The following JPH2 variants were observed in gnomAD, a reference collection of about 807,000 sequenced individuals.
JPH2 encodes junctophilin 2.
In JPH2, 38 loss-of-function variants were observed where a neutral mutation model predicts 55.9. The ratio of observed to expected loss-of-function variants is 0.68; its 90% CI spans 0.52 to 0.89. The LOEUF is 0.89. Ranked by LOEUF, JPH2 falls within the 40% of genes least tolerant of loss-of-function variation. The pLI, the probability that JPH2 is intolerant of heterozygous loss-of-function variation, is 0.00. For synonymous variants in JPH2, 480 were observed against 472.4 expected (o/e 1.02, Z -0.21); for missense variants, 964 against 1,037.6 (o/e 0.93, Z 0.97).
intron 2 of JPH2, among the ~76,000 whole-genome samples, chr20:44,128,724 T>C (rs2072294553): frequency 1.3e-5 from 2 of 152,134 alleles, no homozygotes; most frequent in South Asian, 4.1e-4. Context: ...TCTCGCTCTG[T>C]TGCCCAGGCT....
At chr20:44,114,953 G>A in intron 4 of JPH2, 77 bp from the exon 5 acceptor site, 1 of 1,123,974 alleles carries the variant, frequency 8.9e-7, no homozygotes, top group Non-Finnish European at 1.3e-6. Flanking sequence ...AGCAAGGCTG[G>A]ACAGAGCAGG....
At chr20:44,143,561 G>A (rs911863397) in intron 2 of JPH2, among the ~76,000 whole-genome samples, 8 of 152,172 alleles carry the variant, frequency 5.3e-5, no homozygotes, top group African/African-American at 1.4e-4. Context: ...TCCAGTCCCC[G>A]TGGTCTGCAG....
intron 2 of JPH2, among the ~76,000 whole-genome samples, chr20:44,134,889 AATATATATTTATATATATATATAAAAT>A (rs1569195855): frequency 1.6e-4 from 6 of 37,022 alleles, no homozygotes; most frequent in Non-Finnish European, 2.1e-4. Context: ...TATATATATT[AATATATATTTATATATATATATAAAAT>A]ATATATATTT....
chr20:44,162,304 T>C (rs978897349), intron 1 of JPH2, among the ~76,000 whole-genome samples: 2 of 152,232 alleles, frequency 1.3e-5, no homozygotes, highest in Non-Finnish European at 2.9e-5. Flanking sequence ...TTCCTGGAAC[T>C]CTTTTCCTCC....
intron 2 of JPH2, among the ~76,000 whole-genome samples, chr20:44,120,762 A>G (rs1319828604): frequency 6.6e-6 from 1 of 152,238 alleles, no homozygotes; most frequent in Non-Finnish European, 1.5e-5. Context: ...CACAAAAAAA[A>G]TCCCATAACA....
Position 44,186,454 on chromosome 20 carries a change from G to A in JPH2, c.252C>T (p.Gly84=), listed in dbSNP as rs763286384. Residue 84 remains glycine, a synonymous_variant, in exon 1 of 6, where the codon GGC becomes GGT. Coordinates refer to ENST00000372980, the MANE Select transcript of JPH2 (RefSeq NM_020433.5). ...IETKGRWLYK[G]EWTHGFKGRY... ...GTCCCTTGAAGCCATGTGTCCACTC[G>A]CCCTTGTAGAGCCAGCGCCCCTTGG... 4.3e-6 allele frequency: 7 copies of A among 1,613,940 alleles called. No individual in the cohort carries two copies. Among genetic ancestry groups the A allele is most frequent in the Non-Finnish European group, 5.9e-6 (7 of 1,179,962 alleles).
At chr20:44,121,310 T>C (rs952216412) in intron 2 of JPH2, among the ~76,000 whole-genome samples, 14 of 152,180 alleles carry the variant, frequency 9.2e-5, no homozygotes, top group African/African-American at 3.4e-4. Flanking sequence ...AGTCAGAGTG[T>C]CCACTCTCTA....
At chr20:44,179,577 C>G (rs115068799) in intron 1 of JPH2, among the ~76,000 whole-genome samples, 35 of 152,228 alleles carry the variant, frequency 2.3e-4, no homozygotes, top group African/African-American at 7.7e-4. Flanking sequence ...CATGCAGTCT[C>G]GTAGGACCCA....
intron 2 of JPH2, among the ~76,000 whole-genome samples, chr20:44,142,177 A>G (rs1300959625): frequency 6.6e-6 from 1 of 152,148 alleles, no homozygotes; most frequent in African/African-American, 2.4e-5. Context: ...CCCTACCCTG[A>G]CCTGCAAGGC....
chr20:44,175,991 C>T (rs1187592398), intron 1 of JPH2, among the ~76,000 whole-genome samples: 1 of 152,182 alleles, frequency 6.6e-6, no homozygotes, highest in Non-Finnish European at 1.5e-5. Flanking sequence ...GAACTCCTGA[C>T]CCTTCCTCCT....
intron 2 of JPH2, among the ~76,000 whole-genome samples, chr20:44,150,755 G>A (rs1467639620): frequency 6.6e-6 from 1 of 152,246 alleles, no homozygotes; most frequent in Admixed American, 6.5e-5. Flanking sequence ...GCCAGGTGTG[G>A]TGGCTCATGC....
At chr20:44,118,307 C>T (rs561722671) in intron 3 of JPH2, among the ~76,000 whole-genome samples, 198 bp downstream of exon 3, 4 of 152,212 alleles carry the variant, frequency 2.6e-5, no homozygotes, top group Non-Finnish European at 4.4e-5. Flanking sequence ...GCCCTCCCCT[C>T]GAGCTCAGCA....
intron 2 of JPH2, among the ~76,000 whole-genome samples, chr20:44,136,661 C>A (rs185409348): frequency 6.6e-6 from 1 of 152,196 alleles, no homozygotes; most frequent in East Asian, 1.9e-4. Context: ...TGGCTTAACA[C>A]CAAAATAAGA....
At chr20:44,142,969 C>T (rs1010641324) in intron 2 of JPH2, among the ~76,000 whole-genome samples, 3 of 152,014 alleles carry the variant, frequency 2.0e-5, no homozygotes, top group Non-Finnish European at 4.4e-5. Flanking sequence ...ACTGGGGAGC[C>T]GGGGGCACAT....
intron 2 of JPH2, among the ~76,000 whole-genome samples, chr20:44,152,366 T>C (rs998689277): frequency 2.0e-5 from 3 of 152,202 alleles, no homozygotes; most frequent in Non-Finnish European, 4.4e-5. Context: ...CAGGGTTGTT[T>C]TGAGGATTAA....
intron 1 of JPH2, among the ~76,000 whole-genome samples, chr20:44,185,666 CATAGATGG>C (rs2072830339): frequency 8.2e-6 from 1 of 121,538 alleles, no homozygotes; most frequent in African/African-American, 3.0e-5. Context: ...ATGGATGGAT[CATAGATGG>C]ATGGATGGAT....
At chr20:44,173,403 G>A (rs2072711623) in intron 1 of JPH2, among the ~76,000 whole-genome samples, 2 of 151,758 alleles carry the variant, frequency 1.3e-5, no homozygotes, top group South Asian at 2.1e-4. Context: ...AGCCAGCTTC[G>A]ACTTCCTATA....
chr20:44,148,606 G>A (rs1214689896), intron 2 of JPH2, among the ~76,000 whole-genome samples: 1 of 152,198 alleles, frequency 6.6e-6, no homozygotes, highest in Non-Finnish European at 1.5e-5. Context: ...CCGAGCTGCC[G>A]CGTGGCCTTA....
chr20:44,114,703 C>A (rs1391340657), intron 5 of JPH2, 79 bp downstream of exon 5: 3 of 1,027,498 alleles, frequency 2.9e-6, no homozygotes, highest in Non-Finnish European at 4.4e-6. Context: ...CGAGTAGGTC[C>A]CTCCTCCCAC....
Sources: allele counts gnomAD v4.1 joint callset (sites outside exome capture counted in the v4.1 genomes callset), GRCh38; gene constraint gnomAD v4.1.1; transcripts MANE v1.5; gene names NCBI Gene and HGNC (gene_info 2026-07-23, HGNC 2026-07-21).